The following BLOC1S6 variants were observed in gnomAD, a reference collection of about 807,000 sequenced individuals.
BLOC1S6 encodes biogenesis of lysosomal organelles complex 1 subunit 6.
BLOC1S6 carries 24 observed loss-of-function variants against 24.7 expected under a neutral mutation model. The ratio of observed to expected loss-of-function variants is 0.97; its 90% CI spans 0.70 to 1.37. The LOEUF (loss-of-function observed/expected upper bound fraction) is 1.37. BLOC1S6 is among the 40% of genes most tolerant of loss of function. The pLI is 0.00. For synonymous variants in BLOC1S6, 76 were observed against 72.6 expected, an observed-to-expected ratio of 1.05 and a Z score of -0.23; for missense variants, 175 against 196.2, an observed-to-expected ratio of 0.89 and a Z score of 0.64.
rs1238776609 is a variant in BLOC1S6, at chr15:45,608,233, G to T, written c.*1719G>T. Reference sequence around the variant, plus strand: ...TTTAAATTGTTGGAAAAGAGCATTTGCCTTCTTTAATGAATGATGGTCTCA... The same window carrying T: ...TTTAAATTGTTGGAAAAGAGCATTTTCCTTCTTTAATGAATGATGGTCTCA... On this transcript the variant is annotated 3_prime_UTR_variant, in exon 5 of 5. Coordinates refer to ENST00000220531, the MANE Select transcript of BLOC1S6 (RefSeq NM_012388.4). 1.3e-5 allele frequency: 2 copies of T among 152,610 alleles called. No homozygotes were observed. The highest frequency in any genetic ancestry group is 4.8e-5 in the African/African-American group (2 of 41,434). 9.5% of individuals were successfully genotyped at this position (152,610 alleles called of 1,614,324 possible). A position where few individuals can be genotyped will look rare whatever the true frequency, so the allele number is the denominator to read the frequency against.
rs1893745506 is a variant in BLOC1S6, at chr15:45,587,970, A to G, written c.82+445A>G. ...ATTCCTGCAGCAGTCTTCTCGACCG[A>G]GTTCCAGGAGGGATTTAAGCTCTAA... On this transcript the variant is annotated intron_variant, in intron 1 of 4. Transcript: ENST00000220531. 5.2e-6 allele frequency: 3 copies of G among 577,032 alleles called. No individual in the cohort carries two copies. In the South Asian group the frequency reaches 6.4e-5, roughly 12 times the overall value. 35.7% of individuals were successfully genotyped at this position (577,032 alleles called of 1,614,324 possible).
chr15:45,587,649 C>T, intron 1 of BLOC1S6, 124 bp downstream of exon 1: 9 of 1,000,626 alleles, frequency 9.0e-6, no homozygotes, highest in Non-Finnish European at 1.2e-5. Context: ...CCCCCGGGCC[C>T]TGCCCCGAGT....
At chr15:45,591,653 G>A (rs972232348) in intron 1 of BLOC1S6, among the ~76,000 whole-genome samples, 1 of 152,164 alleles carries the variant, frequency 6.6e-6, no homozygotes, top group African/African-American at 2.4e-5. Flanking sequence ...AGGATTACAG[G>A]TGTGAGCCAC....
In BLOC1S6 at chr15:45,591,981, T is replaced by C. The variant is rs1277451012; in HGVS notation, c.83-154T>C. 3.6e-6 allele frequency: 3 copies of C among 837,054 alleles called. No individual in the cohort carries two copies. In the African/African-American group the frequency reaches 5.2e-5, roughly 14 times the overall value. The allele number at this position is 837,054 out of a possible 1,614,324, so 51.9% of individuals were successfully genotyped here. Reference sequence around the variant, plus strand: ...TATTAGCTGTGTCAATTTGAAAGGTTCCGGCTGGTCAGAGTGCAGTGGTGT... The same window carrying C: ...TATTAGCTGTGTCAATTTGAAAGGTCCCGGCTGGTCAGAGTGCAGTGGTGT... On this transcript the variant is annotated intron_variant, in intron 1 of 4. Coordinates refer to ENST00000220531, the MANE Select transcript of BLOC1S6 (RefSeq NM_012388.4).
At chr15:45,594,577 T>C (rs1264722601) in intron 2 of BLOC1S6, among the ~76,000 whole-genome samples, 1 of 152,154 alleles carries the variant, frequency 6.6e-6, no homozygotes, top group Non-Finnish European at 1.5e-5. Context: ...CCCACTGTAT[T>C]CTCTGGAACT....
intron 2 of BLOC1S6, chr15:45,602,285 TTC>T: frequency 1.6e-6 from 1 of 632,730 alleles, no homozygotes; most frequent in South Asian, 1.8e-5. Flanking sequence ...TCGTTGTTAT[TTC>T]TTTTTTTTTT....
Position 45,596,317 on chromosome 15 carries a change from C to A in BLOC1S6, c.224+4041C>A, listed in dbSNP as rs181354879. Among the ~76,000 whole-genome samples the A allele has an allele frequency of 3.3e-3, 506 of 152,182 alleles. 7 individuals are homozygous for A. Among genetic ancestry groups the A allele is most frequent in the South Asian group, 0.021 (100 of 4,818 alleles). On this transcript the variant is annotated intron_variant, in intron 2 of 4. Transcript: ENST00000220531. ...GGCTCAAGTGATCCTTCCATCTCGG[C>A]CTCCCAAGTAGCTGGGACCACAGGC...
intron 3 of BLOC1S6, among the ~76,000 whole-genome samples, chr15:45,603,591 G>A (rs1359998636): frequency 6.6e-6 from 1 of 152,166 alleles, no homozygotes; most frequent in African/African-American, 2.4e-5. Flanking sequence ...GCACATGCCT[G>A]TAGTCCCAGC....
chr15:45,606,063 C>G (rs1458804121), intron 4 of BLOC1S6, among the ~76,000 whole-genome samples: 1 of 152,198 alleles, frequency 6.6e-6, no homozygotes, highest in African/African-American at 2.4e-5. Context: ...GCCTCGACCT[C>G]CCTAAGTGCT....
intron 2 of BLOC1S6, among the ~76,000 whole-genome samples, chr15:45,594,740 C>T (rs966013962): frequency 2.6e-5 from 4 of 151,982 alleles, no homozygotes; most frequent in East Asian, 1.9e-4. Context: ...CGCACCACTC[C>T]GCCCAGCTAA....
chr15:45,599,514 G>A, intron 2 of BLOC1S6: 3 of 131,576 alleles, frequency 2.3e-5, no homozygotes, highest in Admixed American at 7.2e-5. Flanking sequence ...TCAAAAAGTG[G>A]GCGAAGGACA....
intron 2 of BLOC1S6, among the ~76,000 whole-genome samples, chr15:45,596,688 G>T (rs1006062231): frequency 1.1e-4 from 16 of 143,384 alleles, no homozygotes; most frequent in Non-Finnish European, 2.0e-4. Context: ...GTCATTGTTT[G>T]TTTTTTTTTT....
At chr15:45,592,662 A>G (rs1275714489) in intron 2 of BLOC1S6, among the ~76,000 whole-genome samples, 1 of 152,226 alleles carries the variant, frequency 6.6e-6, no homozygotes, top group Non-Finnish European at 1.5e-5. Flanking sequence ...TGCTGGTTCA[A>G]ATAAGTTGCC....
Position 45,606,668 on chromosome 15 carries a change from A to G in BLOC1S6, c.*154A>G. 2.0e-6 allele frequency: 2 copies of G among 1,015,226 alleles called. No homozygotes were observed. Among genetic ancestry groups the G allele is most frequent in the Non-Finnish European group, 3.0e-6 (2 of 673,112 alleles). 62.9% of individuals were successfully genotyped at this position (1,015,226 alleles called of 1,614,324 possible). A position where few individuals can be genotyped will look rare whatever the true frequency, so the allele number is the denominator to read the frequency against. The stretch of plus-strand genomic sequence containing the variant: ...GTGTCTCCATGCCTTTTTTCCAAGT[A>G]GCAGACGTCATGTTGCATGGTTTTT... On this transcript the variant is annotated 3_prime_UTR_variant, in exon 5 of 5. Coordinates refer to ENST00000220531, the MANE Select transcript of BLOC1S6 (RefSeq NM_012388.4).
At chr15:45,591,130 A>G (rs1893867970) in intron 1 of BLOC1S6, among the ~76,000 whole-genome samples, 1 of 152,208 alleles carries the variant, frequency 6.6e-6, no homozygotes, top group Admixed American at 6.5e-5. Flanking sequence ...CAATGATTAT[A>G]CACTATTTTC....
intron 1 of BLOC1S6, 191 bp downstream of exon 1, chr15:45,587,716 T>G: frequency 1.4e-6 from 1 of 713,424 alleles, no homozygotes; most frequent in South Asian, 1.5e-5. Flanking sequence ...GGAACTGAAG[T>G]CCCGAGGGGA....
In BLOC1S6 at chr15:45,606,654, C is replaced by A; in HGVS notation, c.*140C>A. The A allele has an allele frequency of 2.5e-6, 3 of 1,212,098 alleles. No individual in the cohort carries two copies. Among genetic ancestry groups the A allele is most frequent in the Non-Finnish European group, 3.6e-6 (3 of 838,294 alleles). 75.1% of individuals were successfully genotyped at this position (1,212,098 alleles called of 1,614,324 possible). On this transcript the variant is annotated 3_prime_UTR_variant, in exon 5 of 5. Transcript: ENST00000220531. ...ATTCCGGTATTACTGTGTCTCCATGCCTTTTTTCCAAGTAGCAGACGTCAT... is the reference window on the plus strand; with the variant it reads ...ATTCCGGTATTACTGTGTCTCCATGACTTTTTTCCAAGTAGCAGACGTCAT...
At chr15:45,605,078 G>A (rs1439723384) in intron 3 of BLOC1S6, among the ~76,000 whole-genome samples, 1 of 152,222 alleles carries the variant, frequency 6.6e-6, no homozygotes, top group African/African-American at 2.4e-5. Flanking sequence ...TAAAGGCAGA[G>A]AGAATGTTTT....
chr15:45,594,345 T>A (rs1460408254), intron 2 of BLOC1S6, among the ~76,000 whole-genome samples: 6 of 152,136 alleles, frequency 3.9e-5, no homozygotes, highest in Non-Finnish European at 7.3e-5. Context: ...AAAAACAAGG[T>A]TCTGGGATCC....
Sources: allele counts gnomAD v4.1 joint callset (sites outside exome capture counted in the v4.1 genomes callset), GRCh38; gene constraint gnomAD v4.1.1; transcripts MANE v1.5; gene names NCBI Gene and HGNC (gene_info 2026-07-23, HGNC 2026-07-21).